Variants in DDC observed in about 807,000 individuals in gnomAD.
The protein encoded by DDC is dopa decarboxylase, also known as aromatic-L-amino-acid decarboxylase.
In DDC, 43 loss-of-function variants were observed where a neutral mutation model predicts 60.0. The observed-to-expected ratio is 0.72, with a 90% CI of 0.56 to 0.92. DDC has a LOEUF of 0.92. DDC is among the 40% of genes least tolerant of loss of function. The probability of loss-of-function intolerance (pLI) is 0.00; values close to 1 mark genes in which losing one functional copy is unlikely to be tolerated. For synonymous variants in DDC, 232 were observed against 234.6 expected (o/e 0.99, Z 0.10); for missense variants, 573 against 620.2 (o/e 0.92, Z 0.81).
chr7:50,504,059 T>C lies in DDC; in HGVS notation c.715A>G (p.Met239Val). 2.5e-6 allele frequency: 4 copies of C among 1,612,316 alleles called. No homozygotes were observed. Among genetic ancestry groups the C allele is most frequent in the Non-Finnish European group, 3.4e-6 (4 of 1,178,360 alleles). The change falls in exon 7 of 15, where the codon ATG becomes GTG. Residue 239 changes from methionine to valine, a missense_variant and splice_region_variant. Transcript: ENST00000444124. ...DKAAGLIPFFMVATLGTTTCC... is the reference protein window; with the variant it reads ...DKAAGLIPFFVVATLGTTTCC... The stretch of plus-strand genomic sequence containing the variant: ...GTTGTGGTCCCCAGGGTGGCAACCA[T>C]CTAGAGGGTAAAAAGCAGACAGCCT...
At chr7:50,461,410 A>G (rs1019348008) in intron 14 of DDC, among the ~76,000 whole-genome samples, 1 of 152,242 alleles carries the variant, frequency 6.6e-6, no homozygotes, top group Non-Finnish European at 1.5e-5. Context: ...AACAACATAC[A>G]TGCATTAGGA....
At chr7:50,558,740 C>T (rs2045261821) in intron 1 of DDC, among the ~76,000 whole-genome samples, 1 of 152,236 alleles carries the variant, frequency 6.6e-6, no homozygotes, top group Admixed American at 6.5e-5. Flanking sequence ...AATCCACTTA[C>T]ACCTCCACTG....
intron 9 of DDC, among the ~76,000 whole-genome samples, chr7:50,489,673 G>A (rs1405377940): frequency 1.3e-5 from 2 of 152,276 alleles, no homozygotes; most frequent in South Asian, 2.1e-4. Context: ...GACTATCAGA[G>A]TATCACAGAA....
intron 6 of DDC, among the ~76,000 whole-genome samples, chr7:50,511,422 T>C (rs1420282656): frequency 6.6e-6 from 1 of 152,102 alleles, no homozygotes; most frequent in Non-Finnish European, 1.5e-5. Flanking sequence ...CCCCAACACT[T>C]TGGGAGGCCA....
chr7:50,558,806 G>A (rs1251303214), intron 1 of DDC, among the ~76,000 whole-genome samples: 2 of 152,134 alleles, frequency 1.3e-5, no homozygotes, highest in Non-Finnish European at 2.9e-5. Flanking sequence ...CTCTAAACAG[G>A]GCTCTCACTG....
chr7:50,490,457 TC>T (rs1489613332), intron 9 of DDC, among the ~76,000 whole-genome samples: 1 of 152,140 alleles, frequency 6.6e-6, no homozygotes, highest in Non-Finnish European at 1.5e-5. Context: ...GATCATGAGG[TC>T]AGGAGATCGA....
chr7:50,535,642 G>C (rs752344698), intron 4 of DDC, among the ~76,000 whole-genome samples: 1 of 152,196 alleles, frequency 6.6e-6, no homozygotes, highest in Non-Finnish European at 1.5e-5. Flanking sequence ...ATGAATTAGC[G>C]TTCACATTTT....
At position 50,528,177 on chromosome 7, in the gene DDC, G is replaced by A. The variant is rs141265809; in HGVS notation, c.674C>T (p.Ala225Val). ...FAMRASALQE[A>V]LERDKAAGLI... ...GCCAGCCGCTTTGTCTCTCTCCAGG[G>A]CTTCCTGCAGGGCAGACGCACGCAT... is the stretch of plus-strand genomic sequence containing the variant. Residue 225 changes from alanine (A) to valine (V), a missense_variant, in exon 6 of 15, where the codon GCC becomes GTC. By Grantham distance (64) the Ala-to-Val change is moderately conservative (BLOSUM62 0). Transcript: ENST00000444124. The A allele has an allele frequency of 1.2e-6, 2 of 1,613,660 alleles. No individual in the cohort carries two copies. Among genetic ancestry groups the A allele is most frequent in the African/African-American group, 2.7e-5 (2 of 74,934 alleles).
chr7:50,496,957 T>C (rs2043140275), intron 8 of DDC, among the ~76,000 whole-genome samples: 1 of 152,154 alleles, frequency 6.6e-6, no homozygotes, highest in Non-Finnish European at 1.5e-5. Flanking sequence ...AAAGTAATTT[T>C]GAGAAAAGGA....
At chr7:50,511,486 T>C (rs2043578244) in intron 6 of DDC, among the ~76,000 whole-genome samples, 1 of 152,160 alleles carries the variant, frequency 6.6e-6, no homozygotes, top group Admixed American at 6.5e-5. Context: ...GCCAACACTT[T>C]GGGAGGCCGA....
At chr7:50,521,065 T>A (rs2043876852) in intron 6 of DDC, among the ~76,000 whole-genome samples, 1 of 151,938 alleles carries the variant, frequency 6.6e-6, no homozygotes, top group Non-Finnish European at 1.5e-5. Context: ...TTTTCAAACA[T>A]TTATACAGGT....
intron 13 of DDC, among the ~76,000 whole-genome samples, chr7:50,464,915 C>CA (rs1172180750): frequency 6.6e-5 from 10 of 152,186 alleles, no homozygotes; most frequent in African/African-American, 1.9e-4. Context: ...AAAAGTGAGC[C>CA]ACAGTGTTTG....
At chr7:50,538,894 G>T (rs1379383170) in intron 3 of DDC, among the ~76,000 whole-genome samples, 3 of 152,092 alleles carry the variant, frequency 2.0e-5, no homozygotes, top group Admixed American at 2.0e-4. Flanking sequence ...AGAGAGGGAG[G>T]CCCCAGTGCC....
chr7:50,555,778 G>A (rs73125215), intron 1 of DDC, among the ~76,000 whole-genome samples: 13,096 of 152,152 alleles, frequency 0.086, 864 homozygotes, highest in South Asian at 0.14. Context: ...AGACCGAGGC[G>A]CAGAGAGGCT....
chr7:50,559,688 A>G (rs1455726451), intron 1 of DDC, among the ~76,000 whole-genome samples: 1 of 152,184 alleles, frequency 6.6e-6, no homozygotes, highest in African/African-American at 2.4e-5. Context: ...TCAGCCTCCC[A>G]AAGTGTTGGG....
chr7:50,556,610 C>T (rs1030019163), intron 1 of DDC, among the ~76,000 whole-genome samples: 5 of 152,094 alleles, frequency 3.3e-5, no homozygotes, highest in Middle Eastern at 3.2e-3. Context: ...AGTAGATGCT[C>T]GAAGCATAGC....
intron 10 of DDC, among the ~76,000 whole-genome samples, chr7:50,477,243 C>A (rs1273524848): frequency 6.6e-6 from 1 of 152,120 alleles, no homozygotes; most frequent in Non-Finnish European, 1.5e-5. Flanking sequence ...CCTAAAGCAG[C>A]AAACCCCAGG....
intron 4 of DDC, among the ~76,000 whole-genome samples, chr7:50,530,895 A>T (rs1312261453): frequency 6.6e-6 from 1 of 152,214 alleles, no homozygotes; most frequent in Non-Finnish European, 1.5e-5. Context: ...TTAACATTTG[A>T]TGCTCTCTTC....
intron 11 of DDC, among the ~76,000 whole-genome samples, chr7:50,475,080 G>C (rs2042612061): frequency 6.6e-6 from 1 of 152,146 alleles, no homozygotes; most frequent in South Asian, 2.1e-4. Flanking sequence ...TGGAGGAGTG[G>C]AGAAGGTATT....
Sources: allele counts gnomAD v4.1 joint callset (sites outside exome capture counted in the v4.1 genomes callset), GRCh38; gene constraint gnomAD v4.1.1; transcripts MANE v1.5; gene names NCBI Gene and HGNC (gene_info 2026-07-23, HGNC 2026-07-21).